Variants in AKAP7 observed in about 807,000 individuals in gnomAD.
The protein encoded by AKAP7 is A kinase (PRKA) anchor protein 7.
In AKAP7, 39 loss-of-function variants were observed where a neutral mutation model predicts 39.5. The ratio of observed to expected loss-of-function variants is 0.99; its 90% CI spans 0.76 to 1.29. The LOEUF is 1.29. AKAP7 is among the 50% of genes most tolerant of loss of function. The pLI, the probability that AKAP7 is intolerant of heterozygous loss-of-function variation, is 0.00. For missense variants in AKAP7, 414 were observed against 407.7 expected (o/e 1.02, Z -0.13); for synonymous variants, 140 against 139.1 (o/e 1.01, Z -0.05).
At chr6:131,154,438 G>C (rs1802229640) in intron 2 of AKAP7, among the ~76,000 whole-genome samples, 3 of 148,654 alleles carry the variant, frequency 2.0e-5, no homozygotes, top group African/African-American at 7.4e-5. Flanking sequence ...CCCCTAGAGA[G>C]AGATTGTCTA....
intron 5 of AKAP7, among the ~76,000 whole-genome samples, chr6:131,174,682 G>A (rs1056925895): frequency 2.6e-5 from 4 of 152,178 alleles, no homozygotes; most frequent in African/African-American, 9.7e-5. Context: ...TATTTTATAA[G>A]CTGTTTGTTC....
chr6:131,264,507 T>G (rs1263784504), intron 7 of AKAP7, among the ~76,000 whole-genome samples: 1 of 152,194 alleles, frequency 6.6e-6, no homozygotes. Flanking sequence ...TCAAGAAATA[T>G]ATTGTATAAA....
intron 7 of AKAP7, among the ~76,000 whole-genome samples, chr6:131,235,831 T>G (rs1367493446): frequency 6.6e-6 from 1 of 152,228 alleles, no homozygotes; most frequent in Non-Finnish European, 1.5e-5. Flanking sequence ...ATGAGTAGAT[T>G]GCAAAAATTT....
chr6:131,253,743 C>T (rs1487229656), intron 7 of AKAP7, among the ~76,000 whole-genome samples: 1 of 151,928 alleles, frequency 6.6e-6, no homozygotes, highest in Non-Finnish European at 1.5e-5. Flanking sequence ...CTTTATGTGC[C>T]TGGCTTATTT....
intron 6 of AKAP7, among the ~76,000 whole-genome samples, chr6:131,215,782 T>C (rs763792168): frequency 1.4e-4 from 21 of 152,236 alleles, no homozygotes; most frequent in Non-Finnish European, 2.8e-4. Flanking sequence ...TGTAACTTTT[T>C]GCCACTTAAC....
At chr6:131,181,046 C>T (rs937028684) in intron 5 of AKAP7, among the ~76,000 whole-genome samples, 3 of 117,720 alleles carry the variant, frequency 2.5e-5, no homozygotes, top group African/African-American at 8.0e-5. Context: ...AGCAATTCTC[C>T]TGCCTCAGCC....
chr6:131,131,553 A>G (rs376189342), upstream of AKAP7, among the ~76,000 whole-genome samples: 3 of 150,804 alleles, frequency 2.0e-5, no homozygotes, highest in Admixed American at 1.3e-4. Context: ...GGATGCTTAT[A>G]AAAGTTTTAT....
chr6:131,126,606 G>T, the AKAP7 span, among the ~76,000 whole-genome samples: 14 of 152,224 alleles, frequency 9.2e-5, no homozygotes, highest in South Asian at 4.1e-4. Flanking sequence ...CTAGACTTTG[G>T]ATGGAGACTA....
chr6:131,151,224 G>A (rs1801886677), intron 2 of AKAP7, among the ~76,000 whole-genome samples: 1 of 151,128 alleles, frequency 6.6e-6, no homozygotes, highest in Non-Finnish European at 1.5e-5. Context: ...TGTATTTTTA[G>A]TAGAGACAGG....
At chr6:131,143,131 T>C (rs1475148537) in intron 1 of AKAP7, among the ~76,000 whole-genome samples, 1 of 152,202 alleles carries the variant, frequency 6.6e-6, no homozygotes, top group African/African-American at 2.4e-5. Flanking sequence ...CTTTGGACTT[T>C]TGAGTTAATG....
At chr6:131,187,022 AT>A (rs1324304077) in intron 5 of AKAP7, among the ~76,000 whole-genome samples, 10 of 152,146 alleles carry the variant, frequency 6.6e-5, no homozygotes, top group Non-Finnish European at 1.3e-4. Flanking sequence ...ATTACTGTAG[AT>A]TTGTAGTAAC....
intron 5 of AKAP7, among the ~76,000 whole-genome samples, chr6:131,186,843 C>T (rs1411239520): frequency 6.6e-6 from 1 of 152,128 alleles, no homozygotes; most frequent in African/African-American, 2.4e-5. Context: ...TCCCAAAGGC[C>T]CCACCTCTTA....
upstream of AKAP7, among the ~76,000 whole-genome samples, chr6:131,135,072 T>C (rs1239600782): frequency 6.6e-6 from 1 of 152,186 alleles, no homozygotes; most frequent in East Asian, 1.9e-4. Context: ...GTAAGGTAAA[T>C]AAAGTATCTC....
chr6:131,211,945 T>C (rs1585099796), intron 6 of AKAP7, among the ~76,000 whole-genome samples: 2 of 152,330 alleles, frequency 1.3e-5, no homozygotes, highest in South Asian at 4.1e-4. Context: ...TAGCCTAGCC[T>C]AGCCTACCTA....
chr6:131,227,812 G>C (rs781471961), intron 7 of AKAP7, among the ~76,000 whole-genome samples: 42 of 152,282 alleles, frequency 2.8e-4, no homozygotes, highest in Admixed American at 1.6e-3. Flanking sequence ...AGTGAGTAGA[G>C]TCAATGAATT....
In AKAP7 at chr6:131,274,904, T is replaced by C. The variant is rs533600224; in HGVS notation, c.851-6626T>C. Among the ~76,000 whole-genome samples, 8 of 152,298 alleles carry C rather than the reference T, an allele frequency of 5.3e-5. No individual in the cohort carries two copies. In the East Asian group the frequency reaches 1.3e-3, roughly 26 times the overall value. On this transcript the variant is annotated intron_variant, in intron 7 of 7. Transcript: ENST00000431975. ...CTGTCGCCATGCCTGGAAACTCTTA[T>C]TCATTGAGCTGAAATACCTCTCCTT...
intron 7 of AKAP7, among the ~76,000 whole-genome samples, chr6:131,275,803 G>A (rs969308314): frequency 2.6e-5 from 4 of 152,278 alleles, no homozygotes; most frequent in Admixed American, 6.5e-5. Context: ...GGGGAACGGC[G>A]GAAAGAAATG....
At chr6:131,254,764 G>C (rs1448469039) in intron 7 of AKAP7, among the ~76,000 whole-genome samples, 1 of 152,168 alleles carries the variant, frequency 6.6e-6, no homozygotes, top group Non-Finnish European at 1.5e-5. Context: ...CTGATATTCT[G>C]TGATGGCTGA....
chr6:131,192,247 T>C (rs1225903873), intron 5 of AKAP7, among the ~76,000 whole-genome samples: 1 of 152,188 alleles, frequency 6.6e-6, no homozygotes, highest in Non-Finnish European at 1.5e-5. Flanking sequence ...CTTTAATCCA[T>C]TTTGATTTGA....
Sources: gnomAD v4.1 joint callset for allele counts (sites outside exome capture counted in the v4.1 genomes callset) on GRCh38, gnomAD v4.1.1 for gene constraint, MANE v1.5 for transcripts, NCBI Gene and HGNC (gene_info 2026-07-23, HGNC 2026-07-21) for gene names.